KIF26B: variants seen among roughly 807,000 people sequenced by gnomAD.
The protein encoded by KIF26B is kinesin family member 26B.
A neutral mutation model predicts 151.2 loss-of-function variants in KIF26B; 63 were observed. The ratio of observed to expected loss-of-function variants is 0.42; its 90% CI spans 0.34 to 0.51. The LOEUF (loss-of-function observed/expected upper bound fraction) is 0.51. KIF26B is among the 20% of genes least tolerant of loss of function. The pLI is 0.07. For missense variants in KIF26B, 2,813 were observed against 2,913.6 expected, an observed-to-expected ratio of 0.97 and a Z score of 0.79; for synonymous variants, 1,357 against 1,262.1, an observed-to-expected ratio of 1.08 and a Z score of -1.59.
At chr1:245,498,821 A>C (rs1341062917) in intron 4 of KIF26B, among the ~76,000 whole-genome samples, 1 of 152,164 alleles carries the variant, frequency 6.6e-6, no homozygotes, top group Admixed American at 6.5e-5. Flanking sequence ...GGAGGCAACG[A>C]GGCTAGTCTC....
At chr1:245,259,652 C>T (rs1382201234) in intron 2 of KIF26B, among the ~76,000 whole-genome samples, 4 of 151,998 alleles carry the variant, frequency 2.6e-5, no homozygotes, top group African/African-American at 9.7e-5. Flanking sequence ...GTGAGCTTGG[C>T]CAGGCAGGCT....
chr1:245,243,873 A>G (rs564874377), intron 2 of KIF26B, among the ~76,000 whole-genome samples: 1,355 of 35,588 alleles, frequency 0.038, 9 homozygotes, highest in Middle Eastern at 0.085. Flanking sequence ...AAGAAGAAAA[A>G]GAAAGAAAGG....
intron 4 of KIF26B, among the ~76,000 whole-genome samples, chr1:245,470,555 C>G (rs960494958): frequency 6.6e-6 from 1 of 152,072 alleles, no homozygotes; most frequent in Non-Finnish European, 1.5e-5. Flanking sequence ...CTCAGCCTCC[C>G]GAGTAGCTGG....
rs919982652 is a variant in KIF26B at position 245,516,660 on chromosome 1, G to A, written c.1167-24107G>A. ...AGATGTGGGGTGAAGTAATGAGCCCGCAAGGCCTGTCTGTGCCTATTGGCT... is the reference window on the plus strand; with the variant it reads ...AGATGTGGGGTGAAGTAATGAGCCCACAAGGCCTGTCTGTGCCTATTGGCT... On this transcript the variant is annotated intron_variant, in intron 4 of 14. Coordinates refer to ENST00000407071, the MANE Select transcript of KIF26B (RefSeq NM_018012.4). This position sits in a 1 kb window ranked among gnomAD's most constrained non-coding sequence, Gnocchi z 4.2. Among the ~76,000 whole-genome samples, 25 of 152,280 alleles carry A rather than the reference G, an allele frequency of 1.6e-4. No individual in the cohort carries two copies. Among genetic ancestry groups the A allele is most frequent in the Admixed American group, 4.6e-4 (7 of 15,294 alleles).
chr1:245,599,579 G>T (rs553076383), intron 5 of KIF26B, among the ~76,000 whole-genome samples: 16 of 152,306 alleles, frequency 1.1e-4, no homozygotes, highest in Admixed American at 3.9e-4. Context: ...CCCAGAAATT[G>T]CATGCAAAAT....
intron 9 of KIF26B, among the ~76,000 whole-genome samples, chr1:245,630,111 G>A (rs1558243639): frequency 6.6e-6 from 1 of 152,170 alleles, no homozygotes; most frequent in Non-Finnish European, 1.5e-5. Context: ...TGGAGAAATA[G>A]AAACGCTTTC....
intron 5 of KIF26B, among the ~76,000 whole-genome samples, chr1:245,543,649 A>G (rs541315561): frequency 2.6e-5 from 4 of 152,190 alleles, no homozygotes; most frequent in African/African-American, 9.6e-5. Flanking sequence ...AATGTGTACC[A>G]TGATTGGAAC....
chr1:245,301,538 G>T (rs557976227), intron 2 of KIF26B, among the ~76,000 whole-genome samples: 1 of 152,272 alleles, frequency 6.6e-6, no homozygotes, highest in African/African-American at 2.4e-5. Context: ...GTACTCTGGG[G>T]GTTGGACCCA....
intron 2 of KIF26B, among the ~76,000 whole-genome samples, chr1:245,201,652 C>T (rs1041263206): frequency 6.6e-6 from 1 of 152,182 alleles, no homozygotes; most frequent in African/African-American, 2.4e-5. Flanking sequence ...TTTCCACTTC[C>T]TTAGGTTCAC....
intron 2 of KIF26B, among the ~76,000 whole-genome samples, chr1:245,184,050 G>GTTTTGTTTTTTTTTTTTTTTTTTT (rs1553332273): frequency 2.1e-3 from 41 of 19,806 alleles, no homozygotes; most frequent in Non-Finnish European, 2.8e-3. Flanking sequence ...GGGAGTTGTT[G>GTTTTGTTTTTTTTTTTTTTTTTTT]TTTTTTTTTT....
At chr1:245,634,641 G>A (rs1158989975) in intron 9 of KIF26B, among the ~76,000 whole-genome samples, 2 of 151,506 alleles carry the variant, frequency 1.3e-5, no homozygotes, top group Non-Finnish European at 2.9e-5. Flanking sequence ...GGTTTTTTTT[G>A]TTAATCAACC....
chr1:245,497,996 C>T (rs766552947), intron 4 of KIF26B, among the ~76,000 whole-genome samples: 9 of 152,210 alleles, frequency 5.9e-5, no homozygotes, highest in Admixed American at 2.6e-4. Context: ...CCTGCCTTGG[C>T]CTCCCAAAGT....
chr1:245,220,477 C>G (rs951214722), intron 2 of KIF26B, among the ~76,000 whole-genome samples: 1 of 152,036 alleles, frequency 6.6e-6, no homozygotes, highest in African/African-American at 2.4e-5. Flanking sequence ...TGCTCCCTCC[C>G]CTTCCGTTTC....
chr1:245,472,466 C>T (rs1659937503), intron 4 of KIF26B, among the ~76,000 whole-genome samples: 1 of 152,136 alleles, frequency 6.6e-6, no homozygotes, highest in Non-Finnish European at 1.5e-5. Context: ...TTCTACTGTA[C>T]TTATATTTAT....
chr1:245,419,778 C>T (rs370569622), intron 4 of KIF26B, 33 bp downstream of exon 4: 126 of 1,568,658 alleles, frequency 8.0e-5, no homozygotes, highest in Middle Eastern at 6.0e-4. Flanking sequence ...TGGTTCTTTC[C>T]GATGAGCCCA....
At chr1:245,289,559 T>G (rs968016361) in intron 2 of KIF26B, among the ~76,000 whole-genome samples, 3 of 152,172 alleles carry the variant, frequency 2.0e-5, no homozygotes, top group Admixed American at 2.0e-4. Context: ...GCTTTGTGGC[T>G]CCAATGAAGT....
chr1:245,624,692 CTCTT>C (rs1483863552), intron 9 of KIF26B, among the ~76,000 whole-genome samples: 1 of 152,176 alleles, frequency 6.6e-6, no homozygotes, highest in Non-Finnish European at 1.5e-5. Flanking sequence ...TGTGGCTTCT[CTCTT>C]CATTCTCAAC....
chr1:245,191,407 AG>A (rs1282557662), intron 2 of KIF26B, among the ~76,000 whole-genome samples: 2 of 151,220 alleles, frequency 1.3e-5, no homozygotes, highest in Non-Finnish European at 3.0e-5. Context: ...CCCAGGAGAC[AG>A]AGGGTGCAGT....
chr1:245,368,298 A>G (rs1249457882), intron 3 of KIF26B, among the ~76,000 whole-genome samples: 1 of 152,128 alleles, frequency 6.6e-6, no homozygotes, highest in African/African-American at 2.4e-5. Context: ...GGGAATCTTT[A>G]AAGATGTTCT....
Sources: gnomAD v4.1 joint callset for allele counts (sites outside exome capture counted in the v4.1 genomes callset) on GRCh38, gnomAD v4.1.1 for gene constraint, Gnocchi (gnomAD v3.1) non-coding constraint, MANE v1.5 for transcripts, NCBI Gene and HGNC (gene_info 2026-07-23, HGNC 2026-07-21) for gene names.